The following GNAQ variants were observed in gnomAD, a reference collection of about 807,000 sequenced individuals.
GNAQ encodes guanine nucleotide-binding protein G(q) subunit alpha.
GNAQ carries 8 observed loss-of-function variants against 43.9 expected under a neutral mutation model. The ratio of observed to expected loss-of-function variants is 0.18; its 90% CI spans 0.11 to 0.33. The LOEUF is 0.33. Among genes scored for constraint, GNAQ ranks in the 10% least tolerant of loss-of-function variants. The probability of loss-of-function intolerance (pLI) is 1.00; values close to 1 mark genes in which losing one functional copy is unlikely to be tolerated. For synonymous variants in GNAQ, 155 were observed against 170.7 expected, an observed-to-expected ratio of 0.91 and a Z score of 0.71; for missense variants, 158 against 450.8, an observed-to-expected ratio of 0.35 and a Z score of 5.88.
chr9:77,941,755 G>T (rs1829317591), intron 1 of GNAQ, among the ~76,000 whole-genome samples: 1 of 152,152 alleles, frequency 6.6e-6, no homozygotes, highest in African/African-American at 2.4e-5. Flanking sequence ...TCCATATGAT[G>T]AGAGACTACG....
intron 3 of GNAQ, among the ~76,000 whole-genome samples, chr9:77,815,257 G>A (rs1268497434): frequency 6.6e-6 from 1 of 151,656 alleles, no homozygotes; most frequent in Non-Finnish European, 1.5e-5. Flanking sequence ...AATAAGATTG[G>A]ATTTTCTATC....
intron 1 of GNAQ, among the ~76,000 whole-genome samples, chr9:78,010,632 C>T (rs967059925): frequency 5.3e-5 from 8 of 152,034 alleles, no homozygotes; most frequent in Admixed American, 2.0e-4. Flanking sequence ...AAGACGGCAG[C>T]CCTCTAAAAA....
chr9:77,889,293 A>G (rs1828360710), intron 2 of GNAQ, among the ~76,000 whole-genome samples: 2 of 151,298 alleles, frequency 1.3e-5, no homozygotes, highest in African/African-American at 2.4e-5. Context: ...CTGTAGTCCC[A>G]GCTACTCATC....
chr9:77,722,530 T>C (rs1313488193), intron 6 of GNAQ, among the ~76,000 whole-genome samples: 1 of 151,806 alleles, frequency 6.6e-6, no homozygotes, highest in South Asian at 2.1e-4. Flanking sequence ...TCTAGCAAGA[T>C]AAACTAAAAA....
At chr9:77,848,368 T>C (rs1173084498) in intron 2 of GNAQ, among the ~76,000 whole-genome samples, 1 of 152,208 alleles carries the variant, frequency 6.6e-6, no homozygotes, top group Non-Finnish European at 1.5e-5. Flanking sequence ...GCACATACTT[T>C]CACATGTCGG....
At chr9:77,740,931 C>T (rs1368333560) in intron 5 of GNAQ, among the ~76,000 whole-genome samples, 1 of 152,204 alleles carries the variant, frequency 6.6e-6, no homozygotes, top group Non-Finnish European at 1.5e-5. Context: ...AACTAGTCAA[C>T]TCTGCCCATG....
intron 2 of GNAQ, among the ~76,000 whole-genome samples, chr9:77,829,235 T>C (rs1169776906): frequency 6.6e-6 from 1 of 152,204 alleles, no homozygotes; most frequent in East Asian, 1.9e-4. Context: ...AGGTTTTTAT[T>C]CTTACATGAA....
At chr9:78,008,544 T>C (rs193220171) in intron 1 of GNAQ, among the ~76,000 whole-genome samples, 144 of 152,238 alleles carry the variant, frequency 9.5e-4, no homozygotes, top group African/African-American at 3.4e-3. Flanking sequence ...CACTGAATAA[T>C]GCAACTTTCA....
intron 5 of GNAQ, among the ~76,000 whole-genome samples, chr9:77,764,572 C>T (rs1826103364): frequency 6.6e-6 from 1 of 152,030 alleles, no homozygotes; most frequent in South Asian, 2.1e-4. Context: ...TCTCCTGCCT[C>T]AGCCTCCCGA....
intron 1 of GNAQ, among the ~76,000 whole-genome samples, chr9:78,002,216 AACCCCCTT>A (rs1823652755): frequency 6.6e-6 from 1 of 152,236 alleles, no homozygotes; most frequent in Non-Finnish European, 1.5e-5. Flanking sequence ...ACTGAGAAAT[AACCCCCTT>A]ATCATTTACT....
chr9:77,727,735 G>A lies in GNAQ; in HGVS notation c.889+779C>T, dbSNP rs1825419909. 3.3e-5 allele frequency among the ~76,000 whole-genome samples: 5 copies of A among 152,280 alleles called. No individual in the cohort carries two copies. The South Asian group carries it at 8.3e-4, about 25-fold the overall frequency. On this transcript the variant is annotated intron_variant, in intron 6 of 6. Transcript: ENST00000286548. Reference sequence around the variant, plus strand: ...ACAAAACAATCCTATGAGTTTGGTCGTAAGGCCCAGAAAAATCAAGTGACT... The same window carrying A: ...ACAAAACAATCCTATGAGTTTGGTCATAAGGCCCAGAAAAATCAAGTGACT...
intron 1 of GNAQ, among the ~76,000 whole-genome samples, chr9:77,980,007 T>C (rs989710462): frequency 3.9e-5 from 6 of 152,174 alleles, no homozygotes; most frequent in African/African-American, 9.7e-5. Flanking sequence ...AATTAATTTA[T>C]GAAAATAGAC....
intron 5 of GNAQ, among the ~76,000 whole-genome samples, chr9:77,774,835 A>G (rs1826283284): frequency 6.6e-6 from 1 of 152,180 alleles, no homozygotes; most frequent in African/African-American, 2.4e-5. Flanking sequence ...TATTTCTTTA[A>G]TCCATGTAAA....
chr9:77,794,070 C>T (rs1826619548), intron 5 of GNAQ, among the ~76,000 whole-genome samples: 1 of 152,136 alleles, frequency 6.6e-6, no homozygotes, highest in Non-Finnish European at 1.5e-5. Context: ...CTTTGGGACA[C>T]ACCCATCACA....
chr9:77,933,433 A>G (rs1283531074), intron 1 of GNAQ, among the ~76,000 whole-genome samples: 1 of 152,172 alleles, frequency 6.6e-6, no homozygotes, highest in Non-Finnish European at 1.5e-5. Context: ...TGGGAGGTCA[A>G]GGTGGGTGAA....
At chr9:77,933,640 CA>C (rs56939865) in intron 1 of GNAQ, among the ~76,000 whole-genome samples, 7 of 147,740 alleles carry the variant, frequency 4.7e-5, no homozygotes, top group Admixed American at 6.7e-5. Flanking sequence ...GACCCTGTCT[CA>C]AAAAAAAAAA....
At chr9:78,028,172 G>GT (rs1251848161) in intron 1 of GNAQ, among the ~76,000 whole-genome samples, 2 of 152,170 alleles carry the variant, frequency 1.3e-5, no homozygotes, top group Non-Finnish European at 2.9e-5. Flanking sequence ...AATACAAAGA[G>GT]TAAGTTTTGA....
At chr9:77,963,210 C>T (rs934345715) in intron 1 of GNAQ, among the ~76,000 whole-genome samples, 5 of 152,058 alleles carry the variant, frequency 3.3e-5, no homozygotes, top group African/African-American at 7.2e-5. Flanking sequence ...ATTTTAAGAA[C>T]GGATGAAATG....
intron 1 of GNAQ, among the ~76,000 whole-genome samples, chr9:77,958,769 C>T (rs1183255838): frequency 1.3e-5 from 2 of 152,110 alleles, no homozygotes; most frequent in African/African-American, 4.8e-5. Context: ...GGAGCAGTAC[C>T]GACTGTGGCC....
Sources: allele counts gnomAD v4.1 joint callset (sites outside exome capture counted in the v4.1 genomes callset), GRCh38; gene constraint gnomAD v4.1.1; transcripts MANE v1.5; gene names NCBI Gene and HGNC (gene_info 2026-07-23, HGNC 2026-07-21).